Variants in C1QTNF1 observed in about 807,000 individuals in gnomAD.
C1QTNF1 encodes the protein complement C1q tumor necrosis factor-related protein 1.
In C1QTNF1, 22 loss-of-function variants were observed where a neutral mutation model predicts 27.8. That is an observed-to-expected ratio of 0.79 (90% CI 0.56 to 1.13). The LOEUF (loss-of-function observed/expected upper bound fraction) is 1.13. Ranked by LOEUF, C1QTNF1 falls within the 50% of genes most tolerant of loss-of-function variation. C1QTNF1 has a pLI of 0.00. For missense variants in C1QTNF1, 373 were observed against 380.2 expected (o/e 0.98, Z 0.16); for synonymous variants, 166 against 154.3 (o/e 1.08, Z -0.56).
At position 79,046,071 on chromosome 17, in the gene C1QTNF1, C is replaced by A. The variant is rs2072563963; in HGVS notation, c.156-484C>A. Reference sequence around the variant, plus strand: ...GCAGCCAGGAGCCGCCGCCGTCCATCCTGCCTGCGGGCTTGTCCTTCCAAT... The same window carrying A: ...GCAGCCAGGAGCCGCCGCCGTCCATACTGCCTGCGGGCTTGTCCTTCCAAT... On this transcript the variant is annotated intron_variant, in intron 2 of 3. Transcript: ENST00000579760. The surrounding 1 kb of genome is among the most constrained non-coding windows in gnomAD (Gnocchi z 4.8). Among the ~76,000 whole-genome samples, 1 of 152,212 alleles carries A rather than the reference C, an allele frequency of 6.6e-6. No homozygotes were observed. Among genetic ancestry groups the A allele is most frequent in the South Asian group, 2.1e-4 (1 of 4,834 alleles).
At chr17:79,036,482 A>G (rs565989076) in intron 1 of C1QTNF1, among the ~76,000 whole-genome samples, 30 of 152,314 alleles carry the variant, frequency 2.0e-4, no homozygotes, top group Non-Finnish European at 4.3e-4. Context: ...GCCTACATGT[A>G]TTAATAGTTA....
intron 1 of C1QTNF1, chr17:79,043,676 T>G: frequency 3.6e-6 from 2 of 550,952 alleles, no homozygotes; most frequent in Non-Finnish European, 3.5e-6. Flanking sequence ...GTGGATTGCA[T>G]GTGTGTTGAG....
chr17:79,032,200 C>T (rs111698766), intron 1 of C1QTNF1, among the ~76,000 whole-genome samples: 8 of 152,158 alleles, frequency 5.3e-5, no homozygotes, highest in African/African-American at 1.9e-4. Flanking sequence ...ACCTACAGCA[C>T]ACCCAGGTCT....
intron 1 of C1QTNF1, among the ~76,000 whole-genome samples, chr17:79,039,747 G>C (rs115427715): frequency 0.023 from 3,547 of 151,880 alleles, 119 homozygotes; most frequent in African/African-American, 0.081. Context: ...TTTTTAATGC[G>C]TTTTGTAGTT....
chr17:79,040,730 CAA>C (rs60302649), intron 1 of C1QTNF1, among the ~76,000 whole-genome samples: 3,888 of 56,832 alleles, frequency 0.068, 98 homozygotes, highest in African/African-American at 0.2. Context: ...TTTGTCTCTA[CAA>C]AAAAAAAAAA....
At position 79,030,362 on chromosome 17, in the gene C1QTNF1, CCTGT is replaced by C. The variant is rs1568060809; in HGVS notation, c.-15+5869_-15+5872del. ...GTGTGTGTGTATGTGTATGTGTGTG[CCTGT>C]ATGTGCGTGTGTTTGGGTCTGCATG... On this transcript the variant is annotated intron_variant, in intron 1 of 3. Transcript: ENST00000579760. Among the ~76,000 whole-genome samples the C allele has an allele frequency of 2.7e-5, 4 of 146,916 alleles. No individual in the cohort carries two copies. In the East Asian group the frequency reaches 7.9e-4, roughly 29 times the overall value.
Position 79,046,613 on chromosome 17 carries a change from C to T in C1QTNF1, c.214C>T (p.Arg72Trp), listed in dbSNP as rs566478936. The T allele has an allele frequency of 2.0e-5, 32 of 1,614,232 alleles. No individual in the cohort carries two copies. The highest frequency in any genetic ancestry group is 5.5e-5 in the South Asian group (5 of 91,082). Residue 72 changes from arginine to tryptophan, a missense_variant, in exon 3 of 4, where the codon CGG (arginine) becomes TGG (tryptophan). Physicochemically the swap from Arg to Trp is moderately radical, Grantham distance 101. Coordinates refer to ENST00000579760, the MANE Select transcript of C1QTNF1 (RefSeq NM_030968.5). The surrounding 1 kb of genome is among the most constrained non-coding windows in gnomAD (Gnocchi z 4.8). The part of the protein sequence containing the change: ...PSQDQGLPAS[R>W]CLRCCDPGTS... The stretch of plus-strand genomic sequence containing the variant: ...TCAGGACCAGGGGCTCCCTGCTTCC[C>T]GGTGCTTGCGCTGCTGTGACCCCGG...
At chr17:79,028,574 C>T (rs1250132544) in intron 1 of C1QTNF1, among the ~76,000 whole-genome samples, 4 of 152,298 alleles carry the variant, frequency 2.6e-5, no homozygotes, top group South Asian at 2.1e-4. Flanking sequence ...AGGTCTCTTG[C>T]GTCCTCTGGC....
chr17:79,044,561 C>T (rs994016213), intron 2 of C1QTNF1, among the ~76,000 whole-genome samples: 5 of 152,148 alleles, frequency 3.3e-5, no homozygotes, highest in African/African-American at 4.8e-5. Flanking sequence ...CCATGGCCCA[C>T]GCGTCTTATC....
upstream of C1QTNF1, among the ~76,000 whole-genome samples, chr17:79,023,704 GCACACA>G (rs5822269): frequency 3.7e-3 from 539 of 145,008 alleles, 2 homozygotes; most frequent in Middle Eastern, 0.014. Context: ...GCGCGCGCGC[GCACACA>G]CACACACACA....
chr17:79,048,146 A>AGGGCTCAGCACCAGGCTGAC lies in C1QTNF1; in HGVS notation c.*58_*59insGGGCTCAGCACCAGGCTGAC. 28 of 1,416,784 alleles carry AGGGCTCAGCACCAGGCTGAC rather than the reference A, an allele frequency of 2.0e-5. 1 individual carries two copies. Among genetic ancestry groups the AGGGCTCAGCACCAGGCTGAC allele is most frequent in the South Asian group, 7.4e-5 (5 of 67,318 alleles). 87.8% of individuals were successfully genotyped at this position (1,416,784 alleles called of 1,614,324 possible). On this transcript the variant is annotated 3_prime_UTR_variant, in exon 4 of 4. Coordinates refer to ENST00000579760, the MANE Select transcript of C1QTNF1 (RefSeq NM_030968.5). ...TCCACCCCTGCGCTGTGCTGACCCC[A>AGGGCTCAGCACCAGGCTGAC]CCGCCTCTTCCCCGATCCCTGGACT...
chr17:79,041,066 T>G (rs1467640064), intron 1 of C1QTNF1, among the ~76,000 whole-genome samples: 1 of 152,232 alleles, frequency 6.6e-6, no homozygotes, highest in African/African-American at 2.4e-5. Context: ...ACTAGACGGA[T>G]AGCTGGAGAG....
chr17:79,046,407 GCC>G lies in C1QTNF1; in HGVS notation c.156-146_156-145del. 3.6e-6 allele frequency: 4 copies of G among 1,103,512 alleles called. No homozygotes were observed. Among genetic ancestry groups the G allele is most frequent in the Non-Finnish European group, 5.3e-6 (4 of 761,858 alleles). The allele number at this position is 1,103,512 out of a possible 1,614,324, so 68.4% of individuals were successfully genotyped here. A position where few individuals can be genotyped will look rare whatever the true frequency, so the allele number is the denominator to read the frequency against. On this transcript the variant is annotated intron_variant, in intron 2 of 3. Transcript: ENST00000579760. This position sits in a 1 kb window ranked among gnomAD's most constrained non-coding sequence, Gnocchi z 4.8. ...GTGAGGATCCCAGAGTGGGCCGTGAGCCCACCAGCGTGAACACAGAGCCTTGT... is the reference window on the plus strand; with the variant it reads ...GTGAGGATCCCAGAGTGGGCCGTGAGCACCAGCGTGAACACAGAGCCTTGT...
rs73408669 is a variant in C1QTNF1, at chr17:79,046,442, G to T, written c.156-113G>T. ...GTGAACACAGAGCCTTGTGGGTCCA[G>T]GTGAGAGAGTGAGAAGGCAGGTCAG... On this transcript the variant is annotated intron_variant, in intron 2 of 3. Transcript: ENST00000579760. The surrounding 1 kb of genome is among the most constrained non-coding windows in gnomAD (Gnocchi z 4.8). 2.1e-6 allele frequency: 3 copies of T among 1,436,980 alleles called. No homozygotes were observed. Among genetic ancestry groups the T allele is most frequent in the African/African-American group, 2.8e-5 (2 of 71,342 alleles). 89.0% of individuals were successfully genotyped at this position (1,436,980 alleles called of 1,614,324 possible).
intron 1 of C1QTNF1, among the ~76,000 whole-genome samples, chr17:79,030,706 T>C (rs1459733519): frequency 6.6e-6 from 1 of 151,854 alleles, no homozygotes; most frequent in Non-Finnish European, 1.5e-5. Context: ...TTCAAGCGAT[T>C]CTCCTGCCTC....
chr17:79,039,609 C>T (rs978766370), intron 1 of C1QTNF1, among the ~76,000 whole-genome samples: 6 of 151,618 alleles, frequency 4.0e-5, no homozygotes, highest in African/African-American at 1.2e-4. Context: ...GCCAAGATCG[C>T]GCCACTTCAC....
At chr17:79,027,763 G>A (rs1028125271) in intron 1 of C1QTNF1, 1 of 152,318 alleles carries the variant, frequency 6.6e-6, no homozygotes, top group Admixed American at 6.5e-5. Flanking sequence ...CACTTGTGCT[G>A]GGGTGATATG....
intron 1 of C1QTNF1, among the ~76,000 whole-genome samples, chr17:79,033,507 G>A (rs1307301060): frequency 6.6e-6 from 1 of 151,930 alleles, no homozygotes; most frequent in Non-Finnish European, 1.5e-5. Context: ...GACCAGCCTG[G>A]GAAACATAGT....
chr17:79,047,736 T>C lies in C1QTNF1; in HGVS notation c.494T>C (p.Val165Ala). ...CACAGCAACCACTACTACCAGACGGTGATCTTCGACACGGAGTTCGTGAAC... is the reference window on the plus strand; with the variant it reads ...CACAGCAACCACTACTACCAGACGGCGATCTTCGACACGGAGTTCGTGAAC... ...PMHSNHYYQT[V>A]IFDTEFVNLY... The change falls in exon 4 of 4, where the codon GTG becomes GCG. Residue 165 changes from valine to alanine, a missense_variant. Val to Ala is a moderately conservative substitution (Grantham distance 64, BLOSUM62 0). Transcript: ENST00000579760. The C allele has an allele frequency of 6.2e-7, 1 of 1,614,078 alleles. No individual in the cohort carries two copies. The highest frequency in any genetic ancestry group is 8.5e-7 in the Non-Finnish European group (1 of 1,180,002).
Sources: gnomAD v4.1 joint callset for allele counts (sites outside exome capture counted in the v4.1 genomes callset) on GRCh38, gnomAD v4.1.1 for gene constraint, Gnocchi (gnomAD v3.1) non-coding constraint, MANE v1.5 for transcripts, NCBI Gene and HGNC (gene_info 2026-07-23, HGNC 2026-07-21) for gene names.